MYO5B: variants seen among roughly 807,000 people sequenced by gnomAD.
MYO5B encodes myosin VB, also known as unconventional myosin-Vb.
In MYO5B, 143 loss-of-function variants were observed where a neutral mutation model predicts 229.3. The observed-to-expected ratio is 0.62, with a 90% confidence interval of 0.54 to 0.72. The LOEUF (loss-of-function observed/expected upper bound fraction) is 0.72. Among genes scored for constraint, MYO5B ranks in the 30% least tolerant of loss-of-function variants. The pLI is 0.00. For synonymous variants in MYO5B, 918 were observed against 885.2 expected, an observed-to-expected ratio of 1.04 and a Z score of -0.66; for missense variants, 2,321 against 2,331.0, an observed-to-expected ratio of 1.00 and a Z score of 0.09.
At chr18:49,853,964 G>A (rs927386196) in intron 30 of MYO5B, among the ~76,000 whole-genome samples, 1 of 152,194 alleles carries the variant, frequency 6.6e-6, no homozygotes, top group African/African-American at 2.4e-5. Context: ...CTGTCAAAAT[G>A]TCCATCAACA....
intron 1 of MYO5B, among the ~76,000 whole-genome samples, chr18:50,163,748 T>C (rs780927366): frequency 1.1e-4 from 17 of 152,174 alleles, no homozygotes; most frequent in Non-Finnish European, 1.8e-4. Flanking sequence ...ACCAGACTTG[T>C]TCAAGCTGCA....
intron 1 of MYO5B, chr18:50,097,386 T>C (rs1017745516): frequency 1.8e-4 from 74 of 413,898 alleles, no homozygotes; most frequent in African/African-American, 1.3e-3. Flanking sequence ...ATGTGGTCCA[T>C]CAAAAGTCCT....
chr18:49,928,266 T>A (rs2025151644), intron 17 of MYO5B, among the ~76,000 whole-genome samples: 1 of 152,208 alleles, frequency 6.6e-6, no homozygotes, highest in Non-Finnish European at 1.5e-5. Flanking sequence ...GAAAAGGGAA[T>A]GTTTTTACAC....
chr18:50,189,294 G>T (rs550792431), intron 1 of MYO5B, among the ~76,000 whole-genome samples: 2 of 152,226 alleles, frequency 1.3e-5, no homozygotes, highest in Admixed American at 6.5e-5. Flanking sequence ...TAGAGAAGGT[G>T]GACAAGAGAG....
At chr18:49,845,382 A>G (rs577167885) in intron 33 of MYO5B, among the ~76,000 whole-genome samples, 49 of 152,326 alleles carry the variant, frequency 3.2e-4, no homozygotes, top group African/African-American at 1.1e-3. Flanking sequence ...AGATGTCACA[A>G]TCTGTTCTTC....
chr18:49,880,466 G>C lies in MYO5B; in HGVS notation c.3046-11C>G. The C allele has an allele frequency of 6.2e-7, 1 of 1,609,056 alleles. No individual in the cohort carries two copies. The highest frequency in any genetic ancestry group is 1.7e-4 in the Middle Eastern group (1 of 6,056). On this transcript the variant is annotated splice_polypyrimidine_tract_variant and intron_variant, in intron 22 of 39. Transcript: ENST00000285039. ...CAGGTCTGCAACTCGCTGGAAGAGAGCAATAGGGGAAAAATGTCTCATGAT... is the reference window on the plus strand; with the variant it reads ...CAGGTCTGCAACTCGCTGGAAGAGACCAATAGGGGAAAAATGTCTCATGAT...
chr18:49,860,966 G>C (rs1390097793), intron 29 of MYO5B, among the ~76,000 whole-genome samples: 1 of 152,144 alleles, frequency 6.6e-6, no homozygotes, highest in African/African-American at 2.4e-5. Flanking sequence ...CCTGTTCCCT[G>C]CCTCTCCTCC....
chr18:49,908,427 C>T (rs1022058131), intron 18 of MYO5B, among the ~76,000 whole-genome samples: 3 of 152,218 alleles, frequency 2.0e-5, no homozygotes, highest in Non-Finnish European at 4.4e-5. Flanking sequence ...CATTCCAAGC[C>T]ACTCCTTTTA....
chr18:49,858,342 C>CT (rs952892597), intron 29 of MYO5B, among the ~76,000 whole-genome samples: 93 of 20,300 alleles, frequency 4.6e-3, no homozygotes, highest in African/African-American at 9.4e-3. Context: ...ACTGTAGGCA[C>CT]CACTGCAGTG....
At chr18:50,059,923 A>C (rs1024595576) in intron 1 of MYO5B, among the ~76,000 whole-genome samples, 41 of 152,338 alleles carry the variant, frequency 2.7e-4, no homozygotes, top group African/African-American at 9.6e-4. Flanking sequence ...GTATATGATG[A>C]GTATAAAATA....
chr18:50,181,192 A>C (rs2033068789), intron 1 of MYO5B, among the ~76,000 whole-genome samples: 1 of 152,256 alleles, frequency 6.6e-6, no homozygotes, highest in Admixed American at 6.5e-5. Flanking sequence ...TCATACACTA[A>C]GTTAATTGTA....
intron 22 of MYO5B, among the ~76,000 whole-genome samples, chr18:49,890,608 T>C (rs1340083414): frequency 6.6e-6 from 1 of 152,214 alleles, no homozygotes; most frequent in Non-Finnish European, 1.5e-5. Flanking sequence ...TTTTGTCTTA[T>C]GTTTTCAAGA....
intron 22 of MYO5B, among the ~76,000 whole-genome samples, chr18:49,892,913 T>TA (rs1236262402): frequency 6.6e-6 from 1 of 152,216 alleles, no homozygotes; most frequent in Non-Finnish European, 1.5e-5. Flanking sequence ...TTCCCCTCCT[T>TA]GCAGCGTCCT....
At chr18:50,063,200 C>T (rs748499719) in intron 1 of MYO5B, among the ~76,000 whole-genome samples, 4 of 152,088 alleles carry the variant, frequency 2.6e-5, no homozygotes, top group Non-Finnish European at 4.4e-5. Context: ...CCCGAGTTAA[C>T]TCCTCCTCCC....
At chr18:50,172,467 T>G (rs1367767388) in intron 1 of MYO5B, among the ~76,000 whole-genome samples, 1 of 152,134 alleles carries the variant, frequency 6.6e-6, no homozygotes, top group East Asian at 1.9e-4. Flanking sequence ...ACTGTGAGTT[T>G]TGTTATACAT....
chr18:49,963,410 TAA>T (rs1491472768), intron 10 of MYO5B, among the ~76,000 whole-genome samples: 17 of 149,322 alleles, frequency 1.1e-4, no homozygotes, highest in Non-Finnish European at 2.5e-4. Flanking sequence ...TTTAATTAAT[TAA>T]TTAATTTATT....
At chr18:50,186,492 T>C (rs1237153641) in intron 1 of MYO5B, among the ~76,000 whole-genome samples, 1 of 152,200 alleles carries the variant, frequency 6.6e-6, no homozygotes, top group Non-Finnish European at 1.5e-5. Context: ...CCAGGGGTGG[T>C]GGGGAGTACC....
At chr18:50,169,956 G>C (rs1436398298) in intron 1 of MYO5B, among the ~76,000 whole-genome samples, 1 of 127,170 alleles carries the variant, frequency 7.9e-6, no homozygotes, top group Non-Finnish European at 1.7e-5. Flanking sequence ...CAAAAATACT[G>C]TAGTATGGAA....
intron 1 of MYO5B, among the ~76,000 whole-genome samples, chr18:50,126,826 C>G (rs559330832): frequency 1.3e-3 from 193 of 152,338 alleles, no homozygotes; most frequent in African/African-American, 4.2e-3. Flanking sequence ...CCCAGCCCTG[C>G]TGCTCTCTGG....
Sources: allele counts gnomAD v4.1 joint callset (sites outside exome capture counted in the v4.1 genomes callset), GRCh38; gene constraint gnomAD v4.1.1; transcripts MANE v1.5; gene names NCBI Gene and HGNC (gene_info 2026-07-23, HGNC 2026-07-21).